The following FREM2 variants were observed in gnomAD, a reference collection of about 807,000 sequenced individuals.
FREM2 encodes the protein FRAS1 related extracellular matrix 2.
In FREM2, 119 loss-of-function variants were observed where a neutral mutation model predicts 219.9. That is an observed-to-expected ratio of 0.54 (90% CI 0.47 to 0.63). The LOEUF (loss-of-function observed/expected upper bound fraction) is 0.63, where lower values mean the gene tolerates loss of function less well. FREM2 is among the 30% of genes least tolerant of loss of function. The pLI, the probability that FREM2 is intolerant of heterozygous loss-of-function variation, is 0.00. For synonymous variants in FREM2, 1,562 were observed against 1,522.8 expected (o/e 1.03, Z -0.60); for missense variants, 4,030 against 3,993.6 (o/e 1.01, Z -0.25).
intron 6 of FREM2, among the ~76,000 whole-genome samples, chr13:38,789,160 A>G (rs999903449): frequency 6.6e-6 from 1 of 151,924 alleles, no homozygotes; most frequent in Non-Finnish European, 1.5e-5. Context: ...TCCTTCTTTA[A>G]TCTGTAAACT....
intron 6 of FREM2, among the ~76,000 whole-genome samples, chr13:38,825,807 T>G (rs1218557816): frequency 6.6e-6 from 1 of 152,134 alleles, no homozygotes; most frequent in Non-Finnish European, 1.5e-5. Flanking sequence ...ATCACTCATA[T>G]CACCCTGACT....
At chr13:38,754,880 G>GATA (rs1872919474) in intron 2 of FREM2, among the ~76,000 whole-genome samples, 1 of 82,608 alleles carries the variant, frequency 1.2e-5, no homozygotes, top group Admixed American at 1.4e-4. Flanking sequence ...TGATGATGAT[G>GATA]ATGATGATGA....
At chr13:38,780,593 T>C (rs1369306482) in intron 4 of FREM2, among the ~76,000 whole-genome samples, 1 of 152,180 alleles carries the variant, frequency 6.6e-6, no homozygotes, top group Non-Finnish European at 1.5e-5. Context: ...AGCCTTCTAA[T>C]GATTTCATAT....
At chr13:38,708,380 G>A (rs989700043) in intron 2 of FREM2, among the ~76,000 whole-genome samples, 6 of 152,158 alleles carry the variant, frequency 3.9e-5, no homozygotes, top group African/African-American at 1.4e-4. Flanking sequence ...TAGACCGGGC[G>A]CAGTGGCTCA....
chr13:38,843,446 A>G (rs1300789784), intron 6 of FREM2, among the ~76,000 whole-genome samples: 1 of 152,158 alleles, frequency 6.6e-6, no homozygotes, highest in Non-Finnish European at 1.5e-5. Context: ...AGGCCAAAAA[A>G]AAAAAAGTTT....
chr13:38,788,607 ATCATTTCTTT>A (rs987475347), intron 6 of FREM2, among the ~76,000 whole-genome samples: 2 of 152,152 alleles, frequency 1.3e-5, no homozygotes, highest in African/African-American at 4.8e-5. Flanking sequence ...TTAGAGCTCA[ATCATTTCTTT>A]TCATTCACTT....
rs1284840533 is a variant in FREM2, at chr13:38,859,544, A to G, written c.7473A>G (p.Glu2491=). The part of the protein sequence containing the change: ...AARAVNTNGD[E]GLELMSPIVT... The stretch of plus-strand genomic sequence containing the variant: ...GTGCTGTGAACACCAATGGGGATGA[A>G]GGCCTGGAGCTCATGAGCCCTATTG... Residue 2491 remains glutamate, a synonymous_variant, in exon 14 of 24, where the codon GAA becomes GAG. Coordinates refer to ENST00000280481, the MANE Select transcript of FREM2 (RefSeq NM_207361.6). The G allele has an allele frequency of 6.2e-7, 1 of 1,614,092 alleles. No homozygotes were observed.
In FREM2 at chr13:38,807,221, ATATATATG is replaced by A. The variant is rs1482567394; in HGVS notation, c.6019+22417_6019+22424del. 4.3e-4 allele frequency among the ~76,000 whole-genome samples: 52 copies of A among 121,144 alleles called. 2 individuals are homozygous for A. The highest frequency in any genetic ancestry group is 2.9e-3 in the East Asian group (9 of 3,058). 79.5% of individuals were successfully genotyped at this position (121,144 alleles called of 152,430 possible). The stretch of plus-strand genomic sequence containing the variant: ...TATATATATATATATATATATATAT[ATATATATG>A]TATGGTTTTGTTTTGTTTTGTTTTT... On this transcript the variant is annotated intron_variant, in intron 6 of 23. Transcript: ENST00000280481.
At chr13:38,703,846 A>G (rs1003429002) in intron 2 of FREM2, among the ~76,000 whole-genome samples, 1 of 152,126 alleles carries the variant, frequency 6.6e-6, no homozygotes, top group Non-Finnish European at 1.5e-5. Flanking sequence ...ATTTCTAGAA[A>G]TTTCACATGA....
rs1403822019 is a variant in FREM2, at chr13:38,884,476, T to A, written c.*3689T>A. 6.6e-6 allele frequency: 1 copy of A among 152,210 alleles called. No homozygotes were observed. The highest frequency in any genetic ancestry group is 1.5e-5 in the Non-Finnish European group (1 of 68,036). The allele number at this position is 152,210 out of a possible 1,614,324, so 9.4% of individuals were successfully genotyped here. ...CTTTTTGAAAATACTTATTTAGTATTGACTTGGAAGCCAATTTGGTCCTTT... is the reference window on the plus strand; with the variant it reads ...CTTTTTGAAAATACTTATTTAGTATAGACTTGGAAGCCAATTTGGTCCTTT... On this transcript the variant is annotated 3_prime_UTR_variant, in exon 24 of 24. Transcript: ENST00000280481.
chr13:38,713,352 A>G (rs13378956), intron 2 of FREM2, among the ~76,000 whole-genome samples: 18,978 of 152,220 alleles, frequency 0.12, 1,196 homozygotes, highest in South Asian at 0.2. Flanking sequence ...AACATAACGT[A>G]GCAGTGTCTC....
intron 2 of FREM2, among the ~76,000 whole-genome samples, chr13:38,730,684 G>T (rs1303604078): frequency 2.6e-5 from 4 of 152,132 alleles, no homozygotes; most frequent in African/African-American, 9.7e-5. Context: ...TTTGAGATAC[G>T]TGTTCACAGC....
intron 6 of FREM2, among the ~76,000 whole-genome samples, chr13:38,834,173 C>T (rs1327086350): frequency 6.6e-6 from 1 of 151,956 alleles, no homozygotes; most frequent in Non-Finnish European, 1.5e-5. Context: ...CCCCTTGATC[C>T]CCACCCCCCA....
chr13:38,705,703 C>T (rs946427495), intron 2 of FREM2, among the ~76,000 whole-genome samples: 1 of 152,188 alleles, frequency 6.6e-6, no homozygotes, highest in Admixed American at 6.5e-5. Context: ...TCATGCGGCA[C>T]AGTTCCTGTC....
In FREM2 at chr13:38,837,775, G is replaced by GTTTTTTTTTTT. The variant is rs1555270912; in HGVS notation, c.6020-8794_6020-8793insTTTTTTTTTTT. Among the ~76,000 whole-genome samples, 23 of 128,896 alleles carry GTTTTTTTTTTT rather than the reference G, an allele frequency of 1.8e-4. 1 individual carries two copies. Among genetic ancestry groups the GTTTTTTTTTTT allele is most frequent in the South Asian group, 5.1e-4 (2 of 3,898 alleles). 84.6% of individuals were successfully genotyped at this position (128,896 alleles called of 152,430 possible). A position where few individuals can be genotyped will look rare whatever the true frequency, so the allele number is the denominator to read the frequency against. Reference sequence around the variant, plus strand: ...GGATTGCAACCCCTGGTTTTTTTTTGTTTTGTTTTGTTTTGTTTTTGCTTT... The same window carrying GTTTTTTTTTTT: ...GGATTGCAACCCCTGGTTTTTTTTTGTTTTTTTTTTTTTTTGTTTTGTTTTGTTTTTGCTTT... On this transcript the variant is annotated intron_variant, in intron 6 of 23. Coordinates refer to ENST00000280481, the MANE Select transcript of FREM2 (RefSeq NM_207361.6).
In FREM2 at chr13:38,851,678, A is replaced by C. The variant is rs1877375625; in HGVS notation, c.6743-8A>C. ...AATTTCATTTGTCTTTGTTTCCCAC[A>C]ATTTTAGAGACTGTTATTAAATTTG... On this transcript the variant is annotated splice_polypyrimidine_tract_variant and splice_region_variant and intron_variant, in intron 10 of 23. Coordinates refer to ENST00000280481, the MANE Select transcript of FREM2 (RefSeq NM_207361.6). 1 of 1,592,200 alleles carries C rather than the reference A, an allele frequency of 6.3e-7. No individual in the cohort carries two copies. The highest frequency in any genetic ancestry group is 1.3e-5 in the African/African-American group (1 of 74,628).
At chr13:38,786,572 T>C (rs1874338274) in intron 6 of FREM2, among the ~76,000 whole-genome samples, 1 of 152,210 alleles carries the variant, frequency 6.6e-6, no homozygotes, top group Non-Finnish European at 1.5e-5. Context: ...CCATGCTAAA[T>C]GCCTATCTGC....
chr13:38,717,821 G>C (rs556835142), intron 2 of FREM2, among the ~76,000 whole-genome samples: 2 of 152,270 alleles, frequency 1.3e-5, no homozygotes, highest in South Asian at 4.1e-4. Flanking sequence ...TGACCTTTCA[G>C]ATATAGATGG....
rs545204374 is a variant in FREM2, at chr13:38,690,367, A to G, written c.3023A>G (p.Asp1008Gly). ...GIPAEQFTQR[D>G]ILEGSVVYTH... ...CCAGCAGAGCAGTTTACTCAAAGGG[A>G]CATCTTGGAGGGCTCTGTTGTATAT... Residue 1008 changes from aspartate to glycine, a missense_variant, in exon 1 of 24, where the codon GAC becomes GGC. Asp to Gly is a moderately conservative substitution (Grantham distance 94). Around this residue, in one of 2 missense-constraint regions of FREM2, gnomAD observed 3,102 missense variants for 2,950.7 expected, o/e 1.05. Transcript: ENST00000280481. 10 of 1,614,238 alleles carry G rather than the reference A, an allele frequency of 6.2e-6. No homozygotes were observed. The African/African-American group carries it at 1.3e-4, about 22-fold the overall frequency.
Sources: gnomAD v4.1 joint callset for allele counts (sites outside exome capture counted in the v4.1 genomes callset) on GRCh38, gnomAD v4.1.1 for gene constraint, gnomAD v4.1.1 regional missense constraint, MANE v1.5 for transcripts, NCBI Gene and HGNC (gene_info 2026-07-23, HGNC 2026-07-21) for gene names.